The following RPS6KC1 variants were observed in gnomAD, a reference collection of about 807,000 sequenced individuals.
RPS6KC1 encodes the protein inactive ribosomal protein S6 kinase delta-1.
Under a neutral mutation model 103.8 loss-of-function variants are expected in RPS6KC1, and 54 were observed. The observed-to-expected ratio is 0.52, with a 90% CI of 0.42 to 0.65. RPS6KC1 has a LOEUF of 0.65. Ranked by LOEUF, RPS6KC1 falls within the 30% of genes least tolerant of loss-of-function variation. The pLI is 0.00. For missense variants in RPS6KC1, 1,151 were observed against 1,253.8 expected (o/e 0.92, Z 1.24); for synonymous variants, 439 against 438.7 (o/e 1.00, Z -0.01).
At chr1:213,387,229 A>G in the RPS6KC1 span, among the ~76,000 whole-genome samples, 1 of 152,236 alleles carries the variant, frequency 6.6e-6, no homozygotes, top group African/African-American at 2.4e-5. Flanking sequence ...TGTATCCAAT[A>G]TGCCAGACCG....
chr1:213,188,833 G>GTT (rs35525974), intron 8 of RPS6KC1, among the ~76,000 whole-genome samples: 32 of 146,508 alleles, frequency 2.2e-4, no homozygotes, highest in African/African-American at 7.3e-4. Flanking sequence ...TTTCCGCAAG[G>GTT]TTTTTTTTTT....
the RPS6KC1 span, among the ~76,000 whole-genome samples, chr1:213,720,439 A>C: frequency 1.8e-4 from 27 of 152,370 alleles, no homozygotes; most frequent in African/African-American, 6.3e-4. Context: ...TGCAGCTAGA[A>C]AGAAGGAAGC....
At chr1:213,623,144 A>G in the RPS6KC1 span, among the ~76,000 whole-genome samples, 3 of 152,174 alleles carry the variant, frequency 2.0e-5, no homozygotes, top group Admixed American at 2.0e-4. Flanking sequence ...TGGTTTTGAA[A>G]CATCGGGCAT....
At chr1:213,803,686 G>A in the RPS6KC1 span, among the ~76,000 whole-genome samples, 139 of 152,194 alleles carry the variant, frequency 9.1e-4, no homozygotes, top group Middle Eastern at 3.4e-3. Context: ...ACTCAGCATG[G>A]GTCATTGCTG....
chr1:213,668,581 T>C, the RPS6KC1 span, among the ~76,000 whole-genome samples: 1 of 152,080 alleles, frequency 6.6e-6, no homozygotes, highest in African/African-American at 2.4e-5. Flanking sequence ...TCAGTGAGCA[T>C]TGGCTTCTAC....
chr1:213,059,467 A>AT (rs2077627592), intron 1 of RPS6KC1, among the ~76,000 whole-genome samples: 1 of 151,892 alleles, frequency 6.6e-6, no homozygotes, highest in African/African-American at 2.4e-5. Context: ...CTCTAGTATA[A>AT]TTTTCACGGT....
At chr1:213,832,066 T>C in the RPS6KC1 span, among the ~76,000 whole-genome samples, 2 of 152,200 alleles carry the variant, frequency 1.3e-5, no homozygotes, top group Non-Finnish European at 2.9e-5. Flanking sequence ...ATGTATTTGG[T>C]CTGTGGTATC....
the RPS6KC1 span, among the ~76,000 whole-genome samples, chr1:213,705,066 C>T: frequency 2.6e-5 from 4 of 152,248 alleles, no homozygotes; most frequent in African/African-American, 9.6e-5. Context: ...CTGGGTCAGA[C>T]CTGAAGCCAG....
the RPS6KC1 span, among the ~76,000 whole-genome samples, chr1:213,354,001 TC>T: frequency 6.6e-6 from 1 of 152,170 alleles, no homozygotes; most frequent in African/African-American, 2.4e-5. Flanking sequence ...GAACCCTTCC[TC>T]CCATGGACCA....
the RPS6KC1 span, among the ~76,000 whole-genome samples, chr1:213,635,387 A>C: frequency 6.6e-6 from 1 of 152,230 alleles, no homozygotes; most frequent in Non-Finnish European, 1.5e-5. Flanking sequence ...AATACTGGCA[A>C]ACCGAATCCT....
intron 6 of RPS6KC1, among the ~76,000 whole-genome samples, chr1:213,153,193 C>T (rs568722588): frequency 0.013 from 1,922 of 151,878 alleles, 45 homozygotes; most frequent in African/African-American, 0.044. Flanking sequence ...AGTCTAGCTT[C>T]GGCTCAGCAT....
the RPS6KC1 span, among the ~76,000 whole-genome samples, chr1:213,778,088 G>A: frequency 6.6e-6 from 1 of 152,162 alleles, no homozygotes; most frequent in Non-Finnish European, 1.5e-5. Context: ...CGATGCCACA[G>A]CTGCCCTCTC....
chr1:213,506,427 C>T, the RPS6KC1 span, among the ~76,000 whole-genome samples: 2 of 152,182 alleles, frequency 1.3e-5, no homozygotes, highest in African/African-American at 2.4e-5. Context: ...AACTCTCTCA[C>T]TAAGTATCAG....
At chr1:213,437,102 A>T in the RPS6KC1 span, among the ~76,000 whole-genome samples, 109 of 152,218 alleles carry the variant, frequency 7.2e-4, no homozygotes, top group African/African-American at 2.2e-3. Context: ...AAAAACCTTC[A>T]GTATTGCACT....
the RPS6KC1 span, among the ~76,000 whole-genome samples, chr1:213,283,641 G>A: frequency 1.3e-5 from 2 of 152,130 alleles, no homozygotes; most frequent in Non-Finnish European, 2.9e-5. Context: ...GAGATAGGGG[G>A]GATTAGAGGG....
At chr1:213,532,025 G>T in the RPS6KC1 span, among the ~76,000 whole-genome samples, 2 of 152,198 alleles carry the variant, frequency 1.3e-5, no homozygotes, top group African/African-American at 4.8e-5. Flanking sequence ...CTTGGCACTG[G>T]AGAGTCAACA....
chr1:213,831,743 A>G, the RPS6KC1 span, among the ~76,000 whole-genome samples: 1 of 152,182 alleles, frequency 6.6e-6, no homozygotes, highest in Non-Finnish European at 1.5e-5. Context: ...ATCATAAGCT[A>G]TCTTCATGAG....
At chr1:213,854,019 T>C in the RPS6KC1 span, among the ~76,000 whole-genome samples, 2 of 152,122 alleles carry the variant, frequency 1.3e-5, no homozygotes, top group Non-Finnish European at 2.9e-5. Flanking sequence ...CTTTGTAAGA[T>C]GAGGCAAAAG....
chr1:213,430,230 C>G, the RPS6KC1 span, among the ~76,000 whole-genome samples: 1 of 152,172 alleles, frequency 6.6e-6, no homozygotes, highest in Non-Finnish European at 1.5e-5. Context: ...TATCATGATT[C>G]TTACTTATCT....
Sources: gnomAD v4.1 joint callset for allele counts (sites outside exome capture counted in the v4.1 genomes callset) on GRCh38, gnomAD v4.1.1 for gene constraint, MANE v1.5 for transcripts, NCBI Gene and HGNC (gene_info 2026-07-23, HGNC 2026-07-21) for gene names.